RGCC: variants seen among roughly 807,000 people sequenced by gnomAD.
The protein encoded by RGCC is regulator of cell cycle, also known as regulator of cell cycle RGCC.
In RGCC, 15 loss-of-function variants were observed where a neutral mutation model predicts 15.4. That is an observed-to-expected ratio of 0.97 (90% confidence interval 0.65 to 1.50). RGCC has a LOEUF of 1.50. Ranked by LOEUF, RGCC falls within the 40% of genes most tolerant of loss-of-function variation. RGCC has a pLI of 0.00. For missense variants in RGCC, 176 were observed against 189.7 expected (o/e 0.93, Z 0.42); for synonymous variants, 81 against 78.0 (o/e 1.04, Z -0.20).
At position 41,458,180 on chromosome 13, in the gene RGCC, A is replaced by G; in HGVS notation, c.50-105A>G. On this transcript the variant is annotated intron_variant, in intron 1 of 4. Coordinates refer to ENST00000379359, the MANE Select transcript of RGCC (RefSeq NM_014059.3). This position sits in a 1 kb window ranked among gnomAD's most constrained non-coding sequence, Gnocchi z 4.4. ...GTGGCTGTCACTTGGCAGAGGCGCCAAGTGTCAGTTATCTTCGGGAACCGT... is the reference window on the plus strand; with the variant it reads ...GTGGCTGTCACTTGGCAGAGGCGCCGAGTGTCAGTTATCTTCGGGAACCGT... 2.1e-6 allele frequency: 2 copies of G among 941,218 alleles called. No homozygotes were observed. The highest frequency in any genetic ancestry group is 3.1e-6 in the Non-Finnish European group (2 of 645,768). 58.3% of individuals were successfully genotyped at this position (941,218 alleles called of 1,614,324 possible).
chr13:41,460,288 A>G (rs940298870), intron 2 of RGCC, among the ~76,000 whole-genome samples: 2 of 152,208 alleles, frequency 1.3e-5, no homozygotes, highest in African/African-American at 4.8e-5. Flanking sequence ...TTCTTAAGGA[A>G]GCATAATATG....
intron 4 of RGCC, among the ~76,000 whole-genome samples, chr13:41,469,914 G>A (rs370760795): frequency 2.0e-5 from 3 of 152,312 alleles, no homozygotes; most frequent in East Asian, 3.9e-4. Context: ...CTTCTGGGAT[G>A]GAAGGTTCAG....
In RGCC at chr13:41,457,833, TC is replaced by T. The variant is rs1479567977; in HGVS notation, c.49+80del. The T allele has an allele frequency of 2.2e-6, 3 of 1,344,996 alleles. No individual in the cohort carries two copies. Among genetic ancestry groups the T allele is most frequent in the Non-Finnish European group, 1.9e-6 (2 of 1,047,120 alleles). 83.3% of individuals were successfully genotyped at this position (1,344,996 alleles called of 1,614,324 possible). A position where few individuals can be genotyped will look rare whatever the true frequency, so the allele number is the denominator to read the frequency against. ...GTGAGAAAGGAGGGGCCCCGTGTCGTCCCTTCACACCCCCCACCCTTCCATC... is the reference window on the plus strand; with the variant it reads ...GTGAGAAAGGAGGGGCCCCGTGTCGTCCTTCACACCCCCCACCCTTCCATC... On this transcript the variant is annotated intron_variant, in intron 1 of 4. Transcript: ENST00000379359. This position sits in a 1 kb window ranked among gnomAD's most constrained non-coding sequence, Gnocchi z 4.9.
chr13:41,469,047 G>T (rs2043861764), intron 4 of RGCC, among the ~76,000 whole-genome samples: 1 of 152,026 alleles, frequency 6.6e-6, no homozygotes, highest in African/African-American at 2.4e-5. Flanking sequence ...ATTACCTGAG[G>T]TCAGGAATTC....
At chr13:41,467,427 C>T (rs1393542606) in intron 3 of RGCC, among the ~76,000 whole-genome samples, 1 of 152,196 alleles carries the variant, frequency 6.6e-6, no homozygotes, top group African/African-American at 2.4e-5. Flanking sequence ...GCAGCTCCAG[C>T]CTGTCTCTAC....
Position 41,457,807 on chromosome 13 carries a change from G to A in RGCC, c.49+51G>A. The A allele has an allele frequency of 1.5e-6, 2 of 1,359,632 alleles. No homozygotes were observed. The highest frequency in any genetic ancestry group is 1.9e-6 in the Non-Finnish European group (2 of 1,057,280). The allele number at this position is 1,359,632 out of a possible 1,614,324, so 84.2% of individuals were successfully genotyped here. ...TAAAGTCTCGGCTCTGCAGATGGCG[G>A]GTGAGAAAGGAGGGGCCCCGTGTCG... On this transcript the variant is annotated intron_variant, in intron 1 of 4. Transcript: ENST00000379359. The surrounding 1 kb of genome is among the most constrained non-coding windows in gnomAD (Gnocchi z 4.9).
chr13:41,463,018 T>C (rs902273905), intron 2 of RGCC, among the ~76,000 whole-genome samples: 7 of 152,202 alleles, frequency 4.6e-5, no homozygotes, highest in African/African-American at 1.7e-4. Context: ...TTACCTTTTC[T>C]CTCTCAGGAG....
chr13:41,470,388 C>A, intron 4 of RGCC, 90 bp from the exon 5 acceptor site: 1 of 1,349,802 alleles, frequency 7.4e-7, no homozygotes, highest in Non-Finnish European at 1.1e-6. Flanking sequence ...GAGTTTGGTG[C>A]TTTGATGCAC....
At chr13:41,459,700 C>G (rs1272250367) in intron 2 of RGCC, among the ~76,000 whole-genome samples, 1 of 152,230 alleles carries the variant, frequency 6.6e-6, no homozygotes, top group Non-Finnish European at 1.5e-5. Context: ...AATTTTTGGA[C>G]TTTGTTCTTA....
intron 2 of RGCC, among the ~76,000 whole-genome samples, chr13:41,465,821 G>A (rs1184730363): frequency 6.6e-6 from 1 of 152,084 alleles, no homozygotes; most frequent in Non-Finnish European, 1.5e-5. Flanking sequence ...TTAAATTATA[G>A]GACAGCAAGA....
At chr13:41,463,033 A>T (rs148461311) in intron 2 of RGCC, among the ~76,000 whole-genome samples, 1 of 152,202 alleles carries the variant, frequency 6.6e-6, no homozygotes, top group Admixed American at 6.5e-5. Context: ...CAGGAGTGCT[A>T]TTCTGCACTT....
At chr13:41,470,380 G>C in intron 4 of RGCC, 98 bp from the exon 5 acceptor site, 1 of 1,265,532 alleles carries the variant, frequency 7.9e-7, no homozygotes, top group Non-Finnish European at 1.2e-6. Flanking sequence ...CCAGCATTGA[G>C]TTTGGTGCTT....
Position 41,458,485 on chromosome 13 carries a change from C to G in RGCC, c.235+15C>G, listed in dbSNP as rs774931415. On this transcript the variant is annotated intron_variant, in intron 2 of 4. Coordinates refer to ENST00000379359, the MANE Select transcript of RGCC (RefSeq NM_014059.3). The surrounding 1 kb of genome is among the most constrained non-coding windows in gnomAD (Gnocchi z 4.4). Reference sequence around the variant, plus strand: ...CGACTCGGAGAGTAAGTGCGGCCCCCGCTAGGATGGCGCCGGGATCTCCCA... The same window carrying G: ...CGACTCGGAGAGTAAGTGCGGCCCCGGCTAGGATGGCGCCGGGATCTCCCA... The G allele has an allele frequency of 8.8e-6, 14 of 1,586,264 alleles. No homozygotes were observed. Among genetic ancestry groups the G allele is most frequent in the African/African-American group, 2.7e-5 (2 of 74,318 alleles).
At chr13:41,465,199 G>A (rs1379189045) in intron 2 of RGCC, among the ~76,000 whole-genome samples, 1 of 152,142 alleles carries the variant, frequency 6.6e-6, no homozygotes, top group African/African-American at 2.4e-5. Flanking sequence ...CCGAGGAGGC[G>A]GGGACCTGGT....
intron 2 of RGCC, among the ~76,000 whole-genome samples, chr13:41,461,276 A>C (rs2043819936): frequency 6.6e-6 from 1 of 152,248 alleles, no homozygotes; most frequent in African/African-American, 2.4e-5. Flanking sequence ...GAGTGATTTT[A>C]ACTTCAGTAG....
chr13:41,465,747 CT>C (rs1384765350), intron 2 of RGCC, among the ~76,000 whole-genome samples: 2 of 152,030 alleles, frequency 1.3e-5, no homozygotes, highest in Admixed American at 1.3e-4. Context: ...TATCTTTGAC[CT>C]TCTGGCTTAT....
chr13:41,457,603 G>C lies in RGCC; in HGVS notation c.-105G>C. The C allele has an allele frequency of 6.9e-7, 1 of 1,457,662 alleles. No individual in the cohort carries two copies. The highest frequency in any genetic ancestry group is 2.6e-5 in the Admixed American group (1 of 39,214). The allele number at this position is 1,457,662 out of a possible 1,614,324, so 90.3% of individuals were successfully genotyped here. ...GCGCGGCTGGAGCGCAGCGCCGAAG[G>C]GACTGGCAGGGCTGAAGTGTGCGGG... On this transcript the variant is annotated 5_prime_UTR_variant, in exon 1 of 5. Coordinates refer to ENST00000379359, the MANE Select transcript of RGCC (RefSeq NM_014059.3). This position sits in a 1 kb window ranked among gnomAD's most constrained non-coding sequence, Gnocchi z 4.9.
intron 2 of RGCC, among the ~76,000 whole-genome samples, chr13:41,465,429 G>A (rs1003899577): frequency 5.3e-5 from 8 of 152,286 alleles, no homozygotes; most frequent in Middle Eastern, 3.4e-3. Context: ...TGGGCCAACC[G>A]TGCGTTGGTT....
rs2043852331 is a variant in RGCC, at chr13:41,466,919, C to G, written c.332C>G (p.Thr111Ser). 6.2e-7 allele frequency: 1 copy of G among 1,612,094 alleles called. No homozygotes were observed. The highest frequency in any genetic ancestry group is 2.2e-5 in the East Asian group (1 of 44,844). The change falls in exon 3 of 5, where the codon ACT becomes AGT. Residue 111 changes from threonine to serine, a missense_variant. Physicochemically the swap from Thr to Ser is moderately conservative, Grantham distance 58. Transcript: ENST00000379359. ...CCAGCTCTTCTCTCTGCCACTGTCA[C>G]TCCTCAGAAAGGTAAGGTCATTAGT... ...STPALLSATV[T>S]PQKAKLGDTK...
Sources: allele counts gnomAD v4.1 joint callset (sites outside exome capture counted in the v4.1 genomes callset), GRCh38; gene constraint gnomAD v4.1.1; non-coding constraint Gnocchi (gnomAD v3.1); transcripts MANE v1.5; gene names NCBI Gene and HGNC (gene_info 2026-07-23, HGNC 2026-07-21).